The following LRRC7 variants were observed in gnomAD, a reference collection of about 807,000 sequenced individuals.
LRRC7 encodes leucine rich repeat containing 7.
A neutral mutation model predicts 175.7 loss-of-function variants in LRRC7; 23 were observed. The ratio of observed to expected loss-of-function variants is 0.13; its 90% CI spans 0.09 to 0.19. The LOEUF is 0.19. Among genes scored for constraint, LRRC7 ranks in the 10% least tolerant of loss-of-function variants. LRRC7 has a pLI of 1.00. For missense variants in LRRC7, 1,354 were observed against 1,904.7 expected, an observed-to-expected ratio of 0.71 and a Z score of 5.38; for synonymous variants, 685 against 680.9, an observed-to-expected ratio of 1.01 and a Z score of -0.09.
chr1:69,589,133 TG>T (rs1646527184), intron 1 of LRRC7, among the ~76,000 whole-genome samples: 1 of 150,210 alleles, frequency 6.7e-6, no homozygotes, highest in South Asian at 2.1e-4. Context: ...TGTGTGTGTG[TG>T]TGTGTGTGTG....
At position 69,963,628 on chromosome 1, in the gene LRRC7, T is replaced by G. The variant is rs546687231; in HGVS notation, c.712-16751T>G. On this transcript the variant is annotated intron_variant, in intron 8 of 26. Coordinates refer to ENST00000651989, the MANE Select transcript of LRRC7 (RefSeq NM_001370785.2). The stretch of plus-strand genomic sequence containing the variant: ...AAGGTAGTAGCCACAGTTTTTTGTG[T>G]TTTTTTTGGAGAAAGAATATAAGAC... 3.3e-5 allele frequency among the ~76,000 whole-genome samples: 5 copies of G among 151,910 alleles called. No individual in the cohort carries two copies. In the East Asian group the frequency reaches 5.8e-4, roughly 18 times the overall value.
intron 1 of LRRC7, among the ~76,000 whole-genome samples, chr1:69,670,077 C>G (rs939571979): frequency 5.3e-5 from 8 of 152,104 alleles, no homozygotes; most frequent in African/African-American, 1.9e-4. Context: ...AAGTTGGTCT[C>G]TAGTGCCTTT....
chr1:69,607,606 A>G (rs1015321456), intron 1 of LRRC7: 1 of 152,112 alleles, frequency 6.6e-6, no homozygotes, highest in African/African-American at 2.4e-5. Flanking sequence ...TAGGTGAATC[A>G]GCCTTGATGA....
At position 70,139,166 on chromosome 1, in the gene LRRC7, C is replaced by A. The variant is rs189822851; in HGVS notation, c.*17279C>A. ...TGTCAGCAGTATCTCAGTATTCAAA[C>A]CTCTGTTTAGGGTCCTGCATGTACT... is the stretch of plus-strand genomic sequence containing the variant. On this transcript the variant is annotated 3_prime_UTR_variant, in exon 27 of 27. Transcript: ENST00000651989. The A allele has an allele frequency of 6.6e-6, 1 of 152,226 alleles. No homozygotes were observed. The highest frequency in any genetic ancestry group is 6.5e-5 in the Admixed American group (1 of 15,274). 9.4% of individuals were successfully genotyped at this position (152,226 alleles called of 1,614,324 possible). A position where few individuals can be genotyped will look rare whatever the true frequency, so the allele number is the denominator to read the frequency against.
intron 7 of LRRC7, among the ~76,000 whole-genome samples, chr1:69,885,897 T>G (rs74694289): frequency 0.17 from 10,161 of 60,626 alleles, 1,384 homozygotes; most frequent in Middle Eastern, 0.31. Context: ...TCAGGAGCAG[T>G]TTGTTCAGTT....
At chr1:69,731,200 G>A (rs1285646012) in intron 2 of LRRC7, among the ~76,000 whole-genome samples, 3 of 152,094 alleles carry the variant, frequency 2.0e-5, no homozygotes, top group Non-Finnish European at 4.4e-5. Flanking sequence ...TACTCGGGAG[G>A]CTGAGGCTAG....
rs139729341 is a variant in LRRC7, at chr1:69,672,203, G to A, written c.3-6178G>A. Among the ~76,000 whole-genome samples the A allele has an allele frequency of 1.1e-3, 171 of 152,116 alleles. 3 individuals are homozygous for A. In the East Asian group the frequency reaches 0.028, roughly 25 times the overall value. On this transcript the variant is annotated intron_variant, in intron 1 of 26. Coordinates refer to ENST00000651989, the MANE Select transcript of LRRC7 (RefSeq NM_001370785.2). The stretch of plus-strand genomic sequence containing the variant: ...CTATCAGGGTGGGGTGGTGATGATC[G>A]GTGGAGCCTATTTGGCCATCTTCCT...
intron 3 of LRRC7, among the ~76,000 whole-genome samples, chr1:69,765,342 C>T (rs1175181821): frequency 6.6e-6 from 1 of 152,114 alleles, no homozygotes; most frequent in Non-Finnish European, 1.5e-5. Flanking sequence ...AAATCAGAAT[C>T]TCAGTGGATA....
At chr1:69,662,045 C>G (rs1056445625) in intron 1 of LRRC7, among the ~76,000 whole-genome samples, 4 of 152,042 alleles carry the variant, frequency 2.6e-5, no homozygotes, top group African/African-American at 4.8e-5. Flanking sequence ...CAACTTTGCT[C>G]AGGTGGGAAG....
chr1:69,860,657 A>G lies in LRRC7; in HGVS notation c.647+22374A>G, dbSNP rs150103555. Among the ~76,000 whole-genome samples the G allele has an allele frequency of 1.4e-3, 220 of 152,170 alleles. 1 individual carries two copies. The highest frequency in any genetic ancestry group is 5.0e-3 in the African/African-American group (207 of 41,578). On this transcript the variant is annotated intron_variant, in intron 7 of 26. Transcript: ENST00000651989. ...TTTTTGTTCTAGAAAAAAAGCATTA[A>G]TGAAAGAAACAGAAATAAATATTCC... is the stretch of plus-strand genomic sequence containing the variant.
At chr1:70,013,322 G>T (rs1226195364) in intron 13 of LRRC7, among the ~76,000 whole-genome samples, 1 of 151,548 alleles carries the variant, frequency 6.6e-6, no homozygotes, top group African/African-American at 2.4e-5. Context: ...ATATAAATAT[G>T]AATCACACAA....
intron 23 of LRRC7, among the ~76,000 whole-genome samples, chr1:70,075,834 A>G (rs1347407448): frequency 6.6e-6 from 1 of 152,232 alleles, no homozygotes; most frequent in Non-Finnish European, 1.5e-5. Flanking sequence ...AAGTGAGGTT[A>G]AAATTATCTC....
intron 24 of LRRC7, among the ~76,000 whole-genome samples, chr1:70,089,364 T>G (rs942445121): frequency 2.0e-5 from 3 of 152,230 alleles, no homozygotes; most frequent in Non-Finnish European, 2.9e-5. Context: ...TCCTTTCTAA[T>G]CAACCTGAAT....
In LRRC7 at chr1:70,122,562, T is replaced by C. The variant is rs565236471; in HGVS notation, c.*675T>C. On this transcript the variant is annotated 3_prime_UTR_variant, in exon 27 of 27. Transcript: ENST00000651989. Reference sequence around the variant, plus strand: ...TCATGACACAGAGTGAAATATTTCATAAATTAGCCATTTATCTCTGGGACC... The same window carrying C: ...TCATGACACAGAGTGAAATATTTCACAAATTAGCCATTTATCTCTGGGACC... 3.9e-5 allele frequency: 6 copies of C among 152,232 alleles called. No individual in the cohort carries two copies. The highest frequency in any genetic ancestry group is 5.9e-5 in the Non-Finnish European group (4 of 67,934). 9.4% of individuals were successfully genotyped at this position (152,232 alleles called of 1,614,324 possible). A position where few individuals can be genotyped will look rare whatever the true frequency, so the allele number is the denominator to read the frequency against.
chr1:69,681,511 G>T (rs1246587346), intron 2 of LRRC7, among the ~76,000 whole-genome samples: 2 of 152,122 alleles, frequency 1.3e-5, no homozygotes, highest in East Asian at 3.9e-4. Context: ...GTAGATCTAA[G>T]TTATTTAATG....
chr1:69,602,919 C>G (rs1452529578), intron 1 of LRRC7, among the ~76,000 whole-genome samples: 1 of 152,108 alleles, frequency 6.6e-6, no homozygotes, highest in African/African-American at 2.4e-5. Context: ...GGATAGTAAC[C>G]TGCTGTACAG....
At chr1:70,115,857 C>A (rs956197154) in intron 26 of LRRC7, among the ~76,000 whole-genome samples, 3 of 152,158 alleles carry the variant, frequency 2.0e-5, no homozygotes, top group African/African-American at 7.2e-5. Context: ...TCATTTTTAT[C>A]AAATGAGCCT....
At chr1:69,710,087 C>A (rs766105763) in intron 2 of LRRC7, among the ~76,000 whole-genome samples, 31 of 151,760 alleles carry the variant, frequency 2.0e-4, no homozygotes, top group Non-Finnish European at 3.7e-4. Flanking sequence ...CCCACCCTGG[C>A]TAACACAGTG....
intron 1 of LRRC7, among the ~76,000 whole-genome samples, chr1:69,609,958 C>A (rs1184887610): frequency 6.6e-6 from 1 of 151,938 alleles, no homozygotes; most frequent in African/African-American, 2.4e-5. Flanking sequence ...CCCACTATGT[C>A]CAATCAGCTA....
Sources: allele counts gnomAD v4.1 joint callset (sites outside exome capture counted in the v4.1 genomes callset), GRCh38; gene constraint gnomAD v4.1.1; transcripts MANE v1.5; gene names NCBI Gene and HGNC (gene_info 2026-07-23, HGNC 2026-07-21).